Variants in MOB4 observed in about 807,000 individuals in gnomAD.
MOB4 encodes MOB family member 4, phocein, also known as MOB-like protein phocein.
MOB4 carries 4 observed loss-of-function variants against 32.2 expected under a neutral mutation model. That is an observed-to-expected ratio of 0.12 (90% CI 0.06 to 0.28). The LOEUF (loss-of-function observed/expected upper bound fraction) is 0.28. MOB4 is among the 10% of genes least tolerant of loss of function. The probability of loss-of-function intolerance (pLI) is 1.00; values close to 1 mark genes in which losing one functional copy is unlikely to be tolerated. For synonymous variants in MOB4, 88 were observed against 88.1 expected, an observed-to-expected ratio of 1.00 and a Z score of 0.01; for missense variants, 158 against 271.2, an observed-to-expected ratio of 0.58 and a Z score of 2.93.
chr2:197,522,625 C>T (rs1474741437), intron 1 of MOB4, among the ~76,000 whole-genome samples: 1 of 151,942 alleles, frequency 6.6e-6, no homozygotes, highest in Non-Finnish European at 1.5e-5. Flanking sequence ...GCCACCATGC[C>T]CAGTCTGATG....
chr2:197,516,597 G>A (rs2086417258), intron 1 of MOB4: 1 of 476,358 alleles, frequency 2.1e-6, no homozygotes, highest in East Asian at 6.8e-5. Flanking sequence ...TACCTGGCCT[G>A]GGAAGTACCT....
intron 1 of MOB4, among the ~76,000 whole-genome samples, chr2:197,520,009 A>G (rs1389915458): frequency 1.3e-5 from 2 of 152,286 alleles, no homozygotes; most frequent in East Asian, 3.9e-4. Flanking sequence ...AAAAGATGAA[A>G]TGTTTAAGAC....
At chr2:197,529,745 C>T (rs2086668001) in intron 2 of MOB4, among the ~76,000 whole-genome samples, 1 of 151,776 alleles carries the variant, frequency 6.6e-6, no homozygotes, top group Non-Finnish European at 1.5e-5. Context: ...ACCTCTGCCT[C>T]CAGATTCAAG....
rs993982696 is a variant in MOB4, at chr2:197,541,847, A to G, written c.354+1410A>G. On this transcript the variant is annotated intron_variant, in intron 5 of 7. Transcript: ENST00000323303. Reference sequence around the variant, plus strand: ...GGCAGGAGAATGGCGTGAACCCAGGAGGCGGAGCTTGCAGTGAGCCGAGAT... The same window carrying G: ...GGCAGGAGAATGGCGTGAACCCAGGGGGCGGAGCTTGCAGTGAGCCGAGAT... Among the ~76,000 whole-genome samples, 90 of 151,912 alleles carry G rather than the reference A, an allele frequency of 5.9e-4. 2 individuals are homozygous for G. The highest frequency in any genetic ancestry group is 1.9e-4 in the Non-Finnish European group (13 of 67,778).
intron 1 of MOB4, among the ~76,000 whole-genome samples, chr2:197,520,893 TAAAAAAAA>T (rs77272123): frequency 9.3e-6 from 1 of 107,900 alleles, no homozygotes; most frequent in Non-Finnish European, 1.9e-5. Context: ...CCTCGTCTCT[TAAAAAAAA>T]AAAAAAAAAA....
chr2:197,525,093 C>A (rs1022215822), intron 2 of MOB4, among the ~76,000 whole-genome samples: 10 of 152,138 alleles, frequency 6.6e-5, no homozygotes, highest in African/African-American at 2.2e-4. Context: ...CGCCTGTAAT[C>A]CCAGCACATT....
intron 2 of MOB4, among the ~76,000 whole-genome samples, chr2:197,527,644 A>G (rs906438061): frequency 2.6e-5 from 4 of 152,118 alleles, no homozygotes; most frequent in African/African-American, 7.2e-5. Context: ...TATCTTGTCT[A>G]GTTGCTCTGG....
At chr2:197,532,406 G>C (rs1213699818) in intron 2 of MOB4, among the ~76,000 whole-genome samples, 1 of 152,156 alleles carries the variant, frequency 6.6e-6, no homozygotes, top group Non-Finnish European at 1.5e-5. Flanking sequence ...GGGCCCAGTG[G>C]TTCATGCCTG....
chr2:197,531,220 ATTT>A (rs2086698128), intron 2 of MOB4, among the ~76,000 whole-genome samples: 1 of 151,262 alleles, frequency 6.6e-6, no homozygotes, highest in Non-Finnish European at 1.5e-5. Context: ...GCTATTTTGT[ATTT>A]TTAGTAGAGA....
chr2:197,535,567 T>C lies in MOB4; in HGVS notation c.161T>C (p.Ile54Thr), dbSNP rs1172421385. 1.2e-6 allele frequency: 2 copies of C among 1,612,760 alleles called. No homozygotes were observed. The highest frequency in any genetic ancestry group is 1.7e-6 in the Non-Finnish European group (2 of 1,179,780). The change falls in exon 3 of 8, where the codon ATT (isoleucine) becomes ACT (threonine). Residue 54 changes from isoleucine (I) to threonine (T), a missense_variant. By Grantham distance (89) the Ile-to-Thr change is moderately conservative (BLOSUM62 -1). Coordinates refer to ENST00000323303, the MANE Select transcript of MOB4 (RefSeq NM_015387.5). Reference sequence around the variant, plus strand: ...AACATAAGAGCAGATTGCTCCAATATTGACAAAATTCTTGAACCACCTGAA... The same window carrying C: ...AACATAAGAGCAGATTGCTCCAATACTGACAAAATTCTTGAACCACCTGAA... ...QQNIRADCSN[I>T]DKILEPPEGQ...
At chr2:197,531,244 C>G (rs2086698675) in intron 2 of MOB4, among the ~76,000 whole-genome samples, 1 of 151,844 alleles carries the variant, frequency 6.6e-6, no homozygotes, top group South Asian at 2.1e-4. Context: ...CGGGGTTTCA[C>G]CGTGTTAGCC....
chr2:197,530,454 G>C (rs13388250), intron 2 of MOB4, among the ~76,000 whole-genome samples: 6,001 of 150,774 alleles, frequency 0.04, 380 homozygotes, highest in African/African-American at 0.14. Context: ...TTGTAGAAAT[G>C]TGGTCTCGCT....
chr2:197,521,913 G>A (rs2086526988), intron 1 of MOB4, among the ~76,000 whole-genome samples: 1 of 152,132 alleles, frequency 6.6e-6, no homozygotes, highest in African/African-American at 2.4e-5. Flanking sequence ...GTCCTGAGGT[G>A]ACATACCTCC....
In MOB4 at chr2:197,549,877, AAAG is replaced by A. The variant is rs1262634215; in HGVS notation, c.435-395_435-393del. On this transcript the variant is annotated intron_variant, in intron 6 of 7. Transcript: ENST00000323303. ...TAATTTCTAAAAAAAAAAAAAAAAA[AAAG>A]AAAAGAAAAGGAAAGAATAACCTAG... 2.9e-3 allele frequency among the ~76,000 whole-genome samples: 440 copies of A among 151,288 alleles called. 1 individual carries two copies. The highest frequency in any genetic ancestry group is 4.7e-3 in the Non-Finnish European group (317 of 67,756).
At chr2:197,542,473 T>G (rs2086912596) in intron 5 of MOB4, among the ~76,000 whole-genome samples, 1 of 152,210 alleles carries the variant, frequency 6.6e-6, no homozygotes, top group Admixed American at 6.5e-5. Flanking sequence ...CTAAGAAAAT[T>G]GCTCTCATGG....
intron 2 of MOB4, among the ~76,000 whole-genome samples, chr2:197,530,216 C>T (rs2086676418): frequency 6.6e-6 from 1 of 152,078 alleles, no homozygotes; most frequent in Non-Finnish European, 1.5e-5. Context: ...GATCCACCCT[C>T]CTCGGCCTCC....
At chr2:197,529,251 A>C (rs1439132771) in intron 2 of MOB4, among the ~76,000 whole-genome samples, 1 of 152,086 alleles carries the variant, frequency 6.6e-6, no homozygotes, top group African/African-American at 2.4e-5. Context: ...TACAGACATG[A>C]GCCACCGCGG....
chr2:197,520,812 C>G (rs561328894), intron 1 of MOB4, among the ~76,000 whole-genome samples: 4 of 147,454 alleles, frequency 2.7e-5, no homozygotes, highest in East Asian at 2.0e-4. Flanking sequence ...AATGCCAGCA[C>G]TTTGGGAGGC....
chr2:197,548,272 A>T, intron 5 of MOB4, 64 bp from the exon 6 acceptor site: 1 of 1,435,792 alleles, frequency 7.0e-7, no homozygotes, highest in South Asian at 1.3e-5. Flanking sequence ...TACCCATATA[A>T]TGAATATATC....
Sources: gnomAD v4.1 joint callset for allele counts (sites outside exome capture counted in the v4.1 genomes callset) on GRCh38, gnomAD v4.1.1 for gene constraint, MANE v1.5 for transcripts, NCBI Gene and HGNC (gene_info 2026-07-23, HGNC 2026-07-21) for gene names.